CADM2: variants seen among roughly 807,000 people sequenced by gnomAD.
The protein encoded by CADM2 is immunoglobulin superfamily member 4D.
CADM2 carries 12 observed loss-of-function variants against 49.8 expected under a neutral mutation model. The ratio of observed to expected loss-of-function variants is 0.24; its 90% CI spans 0.15 to 0.39. The LOEUF (loss-of-function observed/expected upper bound fraction) is 0.39. Among genes scored for constraint, CADM2 ranks in the 10% least tolerant of loss-of-function variants. CADM2 has a pLI of 1.00. For missense variants in CADM2, 378 were observed against 492.3 expected (o/e 0.77, Z 2.20); for synonymous variants, 214 against 175.4 (o/e 1.22, Z -1.74).
At chr3:85,204,731 T>G (rs2041591213) in intron 1 of CADM2, among the ~76,000 whole-genome samples, 1 of 152,184 alleles carries the variant, frequency 6.6e-6, no homozygotes, top group Non-Finnish European at 1.5e-5. Flanking sequence ...GCTAGGAGCT[T>G]TGATTAAATA....
At chr3:85,971,896 A>G (rs1392352447) in intron 8 of CADM2, among the ~76,000 whole-genome samples, 1 of 151,764 alleles carries the variant, frequency 6.6e-6, no homozygotes, top group Non-Finnish European at 1.5e-5. Flanking sequence ...AGTACTTTTC[A>G]TATTTTAAGA....
intron 1 of CADM2, among the ~76,000 whole-genome samples, chr3:85,420,042 G>A (rs1425613916): frequency 6.6e-6 from 1 of 152,120 alleles, no homozygotes; most frequent in Admixed American, 6.5e-5. Context: ...AACAAATTTT[G>A]CCAAAGCTTC....
chr3:85,348,450 A>G (rs1399646426), intron 1 of CADM2, among the ~76,000 whole-genome samples: 1 of 152,244 alleles, frequency 6.6e-6, no homozygotes, highest in Non-Finnish European at 1.5e-5. Context: ...AGTTACACAT[A>G]AAAGTAACCA....
chr3:85,338,716 A>G (rs2045158073), intron 1 of CADM2, among the ~76,000 whole-genome samples: 1 of 151,500 alleles, frequency 6.6e-6, no homozygotes, highest in African/African-American at 2.4e-5. Flanking sequence ...TCTGATTCCT[A>G]AGGTCTATGT....
chr3:84,971,258 A>C (rs891256645), intron 1 of CADM2, among the ~76,000 whole-genome samples: 9 of 152,166 alleles, frequency 5.9e-5, no homozygotes, highest in African/African-American at 2.2e-4. Flanking sequence ...ATATTACACT[A>C]AAAGTACTGA....
At chr3:85,966,888 TTTTA>T (rs1476317177) in intron 8 of CADM2, among the ~76,000 whole-genome samples, 2 of 151,682 alleles carry the variant, frequency 1.3e-5, no homozygotes, top group African/African-American at 4.8e-5. Context: ...ATACGTCATA[TTTTA>T]TTGTTAGTTG....
chr3:85,533,918 A>G (rs886075092), intron 1 of CADM2, among the ~76,000 whole-genome samples: 1 of 151,974 alleles, frequency 6.6e-6, no homozygotes, highest in African/African-American at 2.4e-5. Flanking sequence ...AGGCTATTTT[A>G]CATATTCTAC....
chr3:85,886,291 G>C lies in CADM2; in HGVS notation c.493G>C (p.Asp165His). Residue 165 changes from aspartate to histidine, a missense_variant, in exon 5 of 10, where the codon GAT (aspartate) becomes CAT (histidine). Physicochemically the swap from Asp to His is moderately conservative, Grantham distance 81. Transcript: ENST00000383699. Reference sequence around the variant, plus strand: ...AACATCTGGTAGTAAACCTGCAGCTGATATAAGATGGTTCAAAAATGACAA... The same window carrying C: ...AACATCTGGTAGTAAACCTGCAGCTCATATAAGATGGTTCAAAAATGACAA... ...CKTSGSKPAA[D>H]IRWFKNDKEI... 1 of 1,613,588 alleles carries C rather than the reference G, an allele frequency of 6.2e-7. No individual in the cohort carries two copies. The highest frequency in any genetic ancestry group is 8.5e-7 in the Non-Finnish European group (1 of 1,179,730).
At chr3:85,851,378 A>G (rs79188667) in intron 3 of CADM2, among the ~76,000 whole-genome samples, 5,149 of 152,030 alleles carry the variant, frequency 0.034, 300 homozygotes, top group African/African-American at 0.12. Flanking sequence ...CTTTTCATGT[A>G]AAATCACTTT....
intron 2 of CADM2, among the ~76,000 whole-genome samples, chr3:85,732,294 C>A (rs977528270): frequency 4.0e-5 from 6 of 151,660 alleles, no homozygotes; most frequent in Non-Finnish European, 7.4e-5. Context: ...AGACACAATT[C>A]AAATTCTTGC....
chr3:85,249,771 C>A (rs1402423722), intron 1 of CADM2, among the ~76,000 whole-genome samples: 1 of 151,756 alleles, frequency 6.6e-6, no homozygotes, highest in East Asian at 1.9e-4. Flanking sequence ...TTTTAAAAAT[C>A]TCAATTGTTA....
intron 1 of CADM2, among the ~76,000 whole-genome samples, chr3:85,353,202 A>G (rs1324797447): frequency 1.3e-5 from 2 of 152,060 alleles, no homozygotes; most frequent in Non-Finnish European, 2.9e-5. Context: ...AGCTCAAGGT[A>G]CACTTATGGA....
At chr3:85,285,401 T>A (rs2043609190) in intron 1 of CADM2, among the ~76,000 whole-genome samples, 1 of 152,210 alleles carries the variant, frequency 6.6e-6, no homozygotes, top group African/African-American at 2.4e-5. Flanking sequence ...GTGTTTTGAC[T>A]AATAAAGTGG....
chr3:85,620,896 T>C (rs2063954796), intron 1 of CADM2, among the ~76,000 whole-genome samples: 1 of 152,132 alleles, frequency 6.6e-6, no homozygotes, highest in South Asian at 2.1e-4. Flanking sequence ...AATACCACTT[T>C]ATATGACAGT....
chr3:85,949,755 C>CATT (rs1216995293), intron 7 of CADM2, among the ~76,000 whole-genome samples: 3 of 150,934 alleles, frequency 2.0e-5, no homozygotes, highest in Non-Finnish European at 3.0e-5. Flanking sequence ...AATCATGAAG[C>CATT]AGAAGCAGTA....
Position 85,947,911 on chromosome 3 carries a change from A to C in CADM2, c.791+12054A>C, listed in dbSNP as rs541420207. ...TGTACTTTTTGAACATTTCCAGGTA[A>C]GCAGTTTTCTTGCAACAAAAAGCCA... On this transcript the variant is annotated intron_variant, in intron 7 of 9. Transcript: ENST00000383699. 7.3e-5 allele frequency among the ~76,000 whole-genome samples: 11 copies of C among 151,646 alleles called. No homozygotes were observed. The East Asian group carries it at 1.8e-3, about 24-fold the overall frequency.
At chr3:85,060,578 A>G (rs994658539) in intron 1 of CADM2, among the ~76,000 whole-genome samples, 1 of 152,228 alleles carries the variant, frequency 6.6e-6, no homozygotes, top group Admixed American at 6.5e-5. Context: ...GTATTTTTAT[A>G]CAAATCATTA....
intron 8 of CADM2, among the ~76,000 whole-genome samples, chr3:86,040,950 T>A (rs1016784883): frequency 1.2e-4 from 18 of 152,254 alleles, no homozygotes; most frequent in African/African-American, 4.3e-4. Flanking sequence ...GAAAAGAATT[T>A]TCAACCCAGA....
At chr3:85,451,645 T>C (rs1313461646) in intron 1 of CADM2, among the ~76,000 whole-genome samples, 1 of 152,142 alleles carries the variant, frequency 6.6e-6, no homozygotes, top group Non-Finnish European at 1.5e-5. Flanking sequence ...ATTCACATCA[T>C]AGGCTCTTAG....
Sources: gnomAD v4.1 joint callset for allele counts (sites outside exome capture counted in the v4.1 genomes callset) on GRCh38, gnomAD v4.1.1 for gene constraint, MANE v1.5 for transcripts, NCBI Gene and HGNC (gene_info 2026-07-23, HGNC 2026-07-21) for gene names.